AFP: variants seen among roughly 807,000 people sequenced by gnomAD.
AFP encodes the protein alpha fetoprotein.
A neutral mutation model predicts 78.9 loss-of-function variants in AFP; 64 were observed. The ratio of observed to expected loss-of-function variants is 0.81; its 90% CI spans 0.66 to 1.00. The LOEUF is 1.00. Among genes scored for constraint, AFP ranks in the 50% least tolerant of loss-of-function variants. AFP has a pLI of 0.00. For missense variants in AFP, 689 were observed against 703.8 expected, an observed-to-expected ratio of 0.98 and a Z score of 0.24; for synonymous variants, 254 against 243.8, an observed-to-expected ratio of 1.04 and a Z score of -0.39.
intron 12 of AFP, 97 bp from the exon 13 acceptor site, chr4:73,453,668 A>T: frequency 7.1e-7 from 1 of 1,410,772 alleles, no homozygotes; most frequent in South Asian, 1.2e-5. Flanking sequence ...TGATGGAGTA[A>T]GGGTTTAGGC....
At chr4:73,448,520 A>G (rs1485352751) in intron 8 of AFP, among the ~76,000 whole-genome samples, 3 of 152,172 alleles carry the variant, frequency 2.0e-5, no homozygotes, top group African/African-American at 4.8e-5. Flanking sequence ...CATTGTTTGC[A>G]CTGCTAAATA....
At chr4:73,450,192 T>C in intron 10 of AFP, 59 bp downstream of exon 10, 1 of 1,278,584 alleles carries the variant, frequency 7.8e-7, no homozygotes, top group South Asian at 1.3e-5. Flanking sequence ...AATGTAGCCT[T>C]CCCCATTCTC....
At chr4:73,453,521 G>C (rs1448474178) in intron 12 of AFP, 1 of 473,568 alleles carries the variant, frequency 2.1e-6, no homozygotes, top group Non-Finnish European at 3.9e-6. Context: ...CTACACATAA[G>C]TATGGTCAAG....
Position 73,452,283 on chromosome 4 carries a change from A to T in AFP, c.1429-118A>T, listed in dbSNP as rs1720017252. On this transcript the variant is annotated intron_variant, in intron 11 of 14. Transcript: ENST00000395792. The stretch of plus-strand genomic sequence containing the variant: ...GATCCTACATAGCAAATTTTCCTGT[A>T]ATATTAATTATAAATTGCTGGGCAT... 3.7e-6 allele frequency: 3 copies of T among 810,634 alleles called. No individual in the cohort carries two copies. In the Admixed American group the frequency reaches 6.1e-5, roughly 16 times the overall value. 50.2% of individuals were successfully genotyped at this position (810,634 alleles called of 1,614,324 possible).
rs1391282813 is a variant in AFP, at chr4:73,440,830, A to G, written c.482+17A>G. ...CATGAACAAGTAAGGATCCAGTTTA[A>G]AGGTAGATGCAAACCTCAGAAACAC... On this transcript the variant is annotated intron_variant, in intron 4 of 14. Transcript: ENST00000395792. 1 of 1,608,056 alleles carries G rather than the reference A, an allele frequency of 6.2e-7. No homozygotes were observed. Among genetic ancestry groups the G allele is most frequent in the Admixed American group, 1.7e-5 (1 of 59,630 alleles).
At chr4:73,455,510 A>G (rs1720132500) in intron 14 of AFP, 121 bp from the exon 15 acceptor site, 2 of 645,136 alleles carry the variant, frequency 3.1e-6, no homozygotes, top group South Asian at 3.5e-5. Flanking sequence ...AGACTTCAAC[A>G]AATGCTATCA....
chr4:73,452,310 A>G (rs1720018628), intron 11 of AFP, 91 bp from the exon 12 acceptor site: 2 of 991,252 alleles, frequency 2.0e-6, no homozygotes, highest in Non-Finnish European at 3.2e-6. Flanking sequence ...GCTGGGCATT[A>G]GAAATTATTG....
chr4:73,445,098 T>C lies in AFP; in HGVS notation c.819T>C (p.Asp273=), dbSNP rs1185134898. The change falls in exon 7 of 15, where the codon GAT becomes GAC. Residue 273 remains aspartate, a synonymous_variant. Transcript: ENST00000395792. ...AHVHEHCCRG[D]VLDCLQDGEK... is the part of the protein sequence containing the mutation. ...TACATGAGCACTGTTGCAGAGGAGA[T>C]GTGCTGGATTGTCTGCAGGATGGGG... 6.2e-7 allele frequency: 1 copy of C among 1,613,986 alleles called. No homozygotes were observed. Among genetic ancestry groups the C allele is most frequent in the Non-Finnish European group, 8.5e-7 (1 of 1,179,888 alleles).
intron 10 of AFP, 120 bp downstream of exon 10, chr4:73,450,253 A>T: frequency 2.3e-6 from 2 of 881,704 alleles, no homozygotes; most frequent in East Asian, 2.7e-5. Flanking sequence ...TGTGGTATTG[A>T]CTTTAAGTTC....
At position 73,445,120 on chromosome 4, in the gene AFP, G is replaced by T; in HGVS notation, c.841G>T (p.Gly281Trp). The change falls in exon 7 of 15, where the codon GGG (glycine) becomes TGG (tryptophan). Residue 281 changes from glycine to tryptophan, a missense_variant and splice_region_variant. Coordinates refer to ENST00000395792, the MANE Select transcript of AFP (RefSeq NM_001134.3). ...RGDVLDCLQD[G>W]EKIMSYICSQ... ...AGATGTGCTGGATTGTCTGCAGGAT[G>T]GGGTGAAGAGTCTTGCTTCTTAAAA... 6.2e-7 allele frequency: 1 copy of T among 1,613,818 alleles called. No homozygotes were observed. Among genetic ancestry groups the T allele is most frequent in the South Asian group, 1.1e-5 (1 of 91,064 alleles).
chr4:73,440,947 G>A, intron 4 of AFP, 134 bp downstream of exon 4: 17 of 893,488 alleles, frequency 1.9e-5, no homozygotes, highest in Non-Finnish European at 2.7e-5. Context: ...GTCTGCTGAG[G>A]TCCCAGACAA....
chr4:73,441,755 G>A (rs1719674237), intron 4 of AFP, among the ~76,000 whole-genome samples: 1 of 152,126 alleles, frequency 6.6e-6, no homozygotes, highest in Non-Finnish European at 1.5e-5. Flanking sequence ...CACACAGCTA[G>A]TACATTTGAC....
chr4:73,451,907 A>T (rs1720002626), intron 11 of AFP, among the ~76,000 whole-genome samples: 1 of 152,226 alleles, frequency 6.6e-6, no homozygotes, highest in South Asian at 2.1e-4. Context: ...AAGTCTTAAA[A>T]ACCCACAAAA....
At chr4:73,449,826 G>T (rs1719934028) in intron 9 of AFP, among the ~76,000 whole-genome samples, 1 of 152,112 alleles carries the variant, frequency 6.6e-6, no homozygotes, top group African/African-American at 2.4e-5. Context: ...ATTGAGTTTT[G>T]CCATTAAATG....
At chr4:73,449,856 GTTAAAC>G (rs1350037887) in intron 9 of AFP, among the ~76,000 whole-genome samples, 174 bp from the exon 10 acceptor site, 1 of 152,140 alleles carries the variant, frequency 6.6e-6, no homozygotes, top group Non-Finnish European at 1.5e-5. Context: ...TTTATAAAAT[GTTAAAC>G]TTAATCTCCC....
At chr4:73,448,074 TA>T (rs903628762) in intron 8 of AFP, among the ~76,000 whole-genome samples, 15 of 148,970 alleles carry the variant, frequency 1.0e-4, no homozygotes, top group East Asian at 3.9e-4. Context: ...CTACGCATGT[TA>T]AAAAAAAAAC....
Position 73,443,426 on chromosome 4 carries a change from C to T in AFP, c.695C>T (p.Thr232Ile). ...TGTGCAGTAATGAAAAATTTTGGGA[C>T]CCGAACTTTCCAAGCCATGTAAGTT... ...HACAVMKNFG[T>I]RTFQAITVTK... Residue 232 changes from threonine to isoleucine, a missense_variant, in exon 6 of 15, where the codon ACC becomes ATC. By Grantham distance (89) the Thr-to-Ile change is moderately conservative. Transcript: ENST00000395792. The T allele has an allele frequency of 6.2e-7, 1 of 1,610,322 alleles. No homozygotes were observed. The highest frequency in any genetic ancestry group is 1.1e-5 in the South Asian group (1 of 90,970).
chr4:73,449,583 A>G, intron 9 of AFP, 116 bp downstream of exon 9: 2 of 1,239,072 alleles, frequency 1.6e-6, no homozygotes, highest in South Asian at 1.2e-5. Flanking sequence ...AGTTATATCT[A>G]TTTGTCTAGA....
intron 1 of AFP, among the ~76,000 whole-genome samples, 168 bp downstream of exon 1, chr4:73,436,515 A>G (rs1719510574): frequency 1.3e-5 from 2 of 151,868 alleles, no homozygotes; most frequent in African/African-American, 4.8e-5. Flanking sequence ...GTAACTTTAC[A>G]AGAGGTTTAC....
Sources: allele counts gnomAD v4.1 joint callset (sites outside exome capture counted in the v4.1 genomes callset), GRCh38; gene constraint gnomAD v4.1.1; transcripts MANE v1.5; gene names NCBI Gene and HGNC (gene_info 2026-07-23, HGNC 2026-07-21).